SNX29: variants seen among roughly 807,000 people sequenced by gnomAD.
SNX29 encodes the protein sorting nexin 29, also known as sorting nexin-29.
In SNX29, 78 loss-of-function variants were observed where a neutral mutation model predicts 102.1. That is an observed-to-expected ratio of 0.76 (90% CI 0.64 to 0.92). SNX29 has a LOEUF of 0.92. Among genes scored for constraint, SNX29 ranks in the 40% least tolerant of loss-of-function variants. SNX29 has a pLI of 0.00. For synonymous variants in SNX29, 580 were observed against 414.5 expected (o/e 1.40, Z -4.85); for missense variants, 1,280 against 1,061.7 (o/e 1.21, Z -2.86).
chr16:12,322,996 G>A (rs1221349996), intron 15 of SNX29, among the ~76,000 whole-genome samples: 1 of 64,380 alleles, frequency 1.6e-5, no homozygotes, highest in Non-Finnish European at 3.0e-5. Context: ...GAGTCACCGG[G>A]GACCACTGTC....
intron 19 of SNX29, among the ~76,000 whole-genome samples, chr16:12,518,251 C>T (rs2089951042): frequency 6.6e-6 from 1 of 152,106 alleles, no homozygotes; most frequent in African/African-American, 2.4e-5. Context: ...CTACCTGATG[C>T]CTCCCACCTC....
At chr16:12,063,690 G>A (rs904857482) in intron 9 of SNX29, among the ~76,000 whole-genome samples, 1 of 151,716 alleles carries the variant, frequency 6.6e-6, no homozygotes, top group Non-Finnish European at 1.5e-5. Context: ...TTTCTAGTCC[G>A]TCTTTGCTCC....
At chr16:12,525,113 C>T (rs1408803673) in intron 20 of SNX29, among the ~76,000 whole-genome samples, 1 of 152,084 alleles carries the variant, frequency 6.6e-6, no homozygotes, top group African/African-American at 2.4e-5. Context: ...TTTGTACTTT[C>T]ACACATTTCG....
intron 20 of SNX29, among the ~76,000 whole-genome samples, chr16:12,534,399 C>G (rs1413102494): frequency 6.6e-6 from 1 of 152,228 alleles, no homozygotes; most frequent in East Asian, 1.9e-4. Context: ...TCTTTTGCTT[C>G]TTGTCCTCTG....
chr16:12,025,638 G>A (rs1300917417), intron 3 of SNX29, among the ~76,000 whole-genome samples: 7 of 152,220 alleles, frequency 4.6e-5, no homozygotes, highest in Non-Finnish European at 8.8e-5. Flanking sequence ...TCATTTGCCA[G>A]TGGTGGCCTA....
At chr16:12,006,451 G>C (rs562114680) in intron 3 of SNX29, among the ~76,000 whole-genome samples, 2 of 151,362 alleles carry the variant, frequency 1.3e-5, no homozygotes, top group Non-Finnish European at 2.9e-5. Context: ...AGGAGGCGGA[G>C]GTTTTGGTGA....
At chr16:12,521,749 T>C (rs549259756) in intron 19 of SNX29, among the ~76,000 whole-genome samples, 1 of 152,306 alleles carries the variant, frequency 6.6e-6, no homozygotes, top group South Asian at 2.1e-4. Context: ...AGCATCTCAT[T>C]GTTTAATGGC....
intron 14 of SNX29, among the ~76,000 whole-genome samples, chr16:12,204,036 A>G (rs992920869): frequency 2.0e-5 from 3 of 152,122 alleles, no homozygotes; most frequent in African/African-American, 4.8e-5. Flanking sequence ...TTAGTACACA[A>G]TCAACAAGAA....
At chr16:12,004,677 T>G (rs1457286094) in intron 3 of SNX29, among the ~76,000 whole-genome samples, 1 of 152,168 alleles carries the variant, frequency 6.6e-6, no homozygotes, top group South Asian at 2.1e-4. Context: ...CGTTCCTCTT[T>G]CTGTCCTTTC....
intron 19 of SNX29, among the ~76,000 whole-genome samples, chr16:12,498,198 G>C (rs777056142): frequency 1.3e-5 from 2 of 152,130 alleles, no homozygotes; most frequent in African/African-American, 4.8e-5. Context: ...ATGGAACAAC[G>C]CAACTTCCTC....
intron 20 of SNX29, among the ~76,000 whole-genome samples, chr16:12,554,965 T>TGGGG (rs1317009791): frequency 6.7e-6 from 1 of 148,950 alleles, no homozygotes; most frequent in African/African-American, 2.6e-5. Context: ...ATGGAGGTGG[T>TGGGG]GAGGGGGGTC....
intron 8 of SNX29, chr16:12,060,791 A>G (rs1290368682): frequency 2.2e-6 from 1 of 456,236 alleles, no homozygotes; most frequent in Non-Finnish European, 4.4e-6. Flanking sequence ...ACCCAACCAC[A>G]CTGCCTGGCG....
intron 17 of SNX29, among the ~76,000 whole-genome samples, chr16:12,402,109 A>G (rs1174214096): frequency 1.3e-5 from 2 of 152,260 alleles, no homozygotes; most frequent in Non-Finnish European, 1.5e-5. Context: ...GATTAGATAC[A>G]CAAACCAGTT....
chr16:12,534,597 C>A (rs943542859), intron 20 of SNX29, among the ~76,000 whole-genome samples: 4 of 152,176 alleles, frequency 2.6e-5, no homozygotes, highest in African/African-American at 9.7e-5. Flanking sequence ...CTGGTATTGT[C>A]ACCTGTTAAA....
chr16:12,198,965 G>A (rs894378438), intron 13 of SNX29, among the ~76,000 whole-genome samples: 1 of 152,184 alleles, frequency 6.6e-6, no homozygotes, highest in African/African-American at 2.4e-5. Context: ...TACCTGGGGA[G>A]TGAGTTCAGC....
intron 15 of SNX29, among the ~76,000 whole-genome samples, chr16:12,285,816 G>T (rs938508545): frequency 3.3e-5 from 5 of 152,174 alleles, no homozygotes; most frequent in African/African-American, 1.2e-4. Context: ...ACATTAAACT[G>T]ATACTCAAAA....
chr16:12,326,651 T>A (rs1356859678), intron 15 of SNX29, among the ~76,000 whole-genome samples: 1 of 152,186 alleles, frequency 6.6e-6, no homozygotes, highest in Non-Finnish European at 1.5e-5. Context: ...CTGGCCCCTG[T>A]GTGGAGTCTG....
rs141545885 is a variant in SNX29, at chr16:12,548,494, G to C, written c.2319-20012G>C. ...CCGGGCTTTCAGGATGACTAGTCAG[G>C]GTTGTCTTGTCTGGACCAGATGCTT... On this transcript the variant is annotated intron_variant, in intron 20 of 20. Coordinates refer to ENST00000566228, the MANE Select transcript of SNX29 (RefSeq NM_032167.5). 1.9e-3 allele frequency among the ~76,000 whole-genome samples: 291 copies of C among 152,304 alleles called. 1 individual carries two copies. Among genetic ancestry groups the C allele is most frequent in the African/African-American group, 6.7e-3 (280 of 41,574 alleles).
chr16:12,176,747 T>C (rs1264636018), intron 13 of SNX29, among the ~76,000 whole-genome samples: 1 of 152,168 alleles, frequency 6.6e-6, no homozygotes, highest in Non-Finnish European at 1.5e-5. Flanking sequence ...AGGATGTGTC[T>C]GTGTGTTGTT....
Sources: gnomAD v4.1 joint callset for allele counts (sites outside exome capture counted in the v4.1 genomes callset) on GRCh38, gnomAD v4.1.1 for gene constraint, MANE v1.5 for transcripts, NCBI Gene and HGNC (gene_info 2026-07-23, HGNC 2026-07-21) for gene names.